EVA1C: variants seen among roughly 807,000 people sequenced by gnomAD.
EVA1C encodes eva-1 homolog C.
Under a neutral mutation model 45.4 loss-of-function variants are expected in EVA1C, and 25 were observed. The observed-to-expected ratio is 0.55, with a 90% CI of 0.40 to 0.77. EVA1C has a LOEUF of 0.77. Among genes scored for constraint, EVA1C ranks in the 30% least tolerant of loss-of-function variants. The pLI is 0.00. For synonymous variants in EVA1C, 190 were observed against 221.2 expected, an observed-to-expected ratio of 0.86 and a Z score of 1.25; for missense variants, 479 against 554.8, an observed-to-expected ratio of 0.86 and a Z score of 1.37.
intron 2 of EVA1C, among the ~76,000 whole-genome samples, chr21:32,456,909 GGA>G (rs61230955): frequency 2.6e-5 from 4 of 151,682 alleles, no homozygotes; most frequent in South Asian, 2.1e-4. Flanking sequence ...GAAAAAATCA[GGA>G]GAGAGAGAGA....
At chr21:32,491,681 C>CA (rs34286023) in intron 4 of EVA1C, among the ~76,000 whole-genome samples, 5,367 of 57,374 alleles carry the variant, frequency 0.094, 557 homozygotes, top group East Asian at 0.22. Context: ...GAGACTCTGT[C>CA]AAAAAAAAAA....
chr21:32,467,253 G>A (rs981923554), intron 3 of EVA1C, among the ~76,000 whole-genome samples: 22 of 152,188 alleles, frequency 1.4e-4, no homozygotes, highest in African/African-American at 5.3e-4. Flanking sequence ...TCTCCAGAGA[G>A]AGAAAGAAGC....
chr21:32,483,655 G>T (rs2036869388), intron 4 of EVA1C, among the ~76,000 whole-genome samples: 1 of 152,184 alleles, frequency 6.6e-6, no homozygotes, highest in Non-Finnish European at 1.5e-5. Context: ...CGATCTCACA[G>T]ATCAGGCACC....
chr21:32,429,066 A>G (rs2034597550), intron 1 of EVA1C, among the ~76,000 whole-genome samples: 1 of 152,014 alleles, frequency 6.6e-6, no homozygotes, highest in South Asian at 2.1e-4. Context: ...TGTCGCCCAG[A>G]GCGAGATTGT....
intron 7 of EVA1C, among the ~76,000 whole-genome samples, chr21:32,510,889 A>G (rs2037924568): frequency 6.6e-6 from 1 of 152,092 alleles, no homozygotes; most frequent in Admixed American, 6.5e-5. Context: ...TATAATAAAA[A>G]GTTAGCTAGG....
chr21:32,438,870 C>T (rs1421754730), intron 1 of EVA1C, among the ~76,000 whole-genome samples: 1 of 152,084 alleles, frequency 6.6e-6, no homozygotes, highest in Non-Finnish European at 1.5e-5. Flanking sequence ...GGCTCAGAGA[C>T]AGATGAATGT....
intron 3 of EVA1C, among the ~76,000 whole-genome samples, chr21:32,463,136 A>G (rs2036059156): frequency 6.6e-6 from 1 of 152,224 alleles, no homozygotes; most frequent in African/African-American, 2.4e-5. Flanking sequence ...TGGTGCAAAA[A>G]TAATCGCGGT....
intron 5 of EVA1C, among the ~76,000 whole-genome samples, chr21:32,497,686 A>G (rs914709293): frequency 5.9e-5 from 9 of 152,206 alleles, no homozygotes; most frequent in African/African-American, 2.2e-4. Context: ...TGATAAAGAC[A>G]TACCCGAGAC....
At chr21:32,454,695 G>T (rs769555586) in intron 2 of EVA1C, among the ~76,000 whole-genome samples, 1 of 151,876 alleles carries the variant, frequency 6.6e-6, no homozygotes, top group Non-Finnish European at 1.5e-5. Context: ...TGATTTTGTC[G>T]ACCGTAGGAA....
At chr21:32,475,941 A>G (rs2036547523) in intron 4 of EVA1C, among the ~76,000 whole-genome samples, 1 of 151,698 alleles carries the variant, frequency 6.6e-6, no homozygotes, top group South Asian at 2.1e-4. Flanking sequence ...ATAAACAGGA[A>G]TGTATAACTG....
At chr21:32,445,422 C>G (rs1232170158) in intron 1 of EVA1C, among the ~76,000 whole-genome samples, 1 of 152,144 alleles carries the variant, frequency 6.6e-6, no homozygotes, top group Non-Finnish European at 1.5e-5. Context: ...TCCTTGTGAG[C>G]AAAAGGTGAG....
chr21:32,501,393 A>C, intron 5 of EVA1C, 22 bp from the exon 6 acceptor site: 1 of 1,580,548 alleles, frequency 6.3e-7, no homozygotes, highest in Non-Finnish European at 8.5e-7. Flanking sequence ...CGAATTTAAA[A>C]TATTTCTTTT....
intron 1 of EVA1C, among the ~76,000 whole-genome samples, chr21:32,418,198 C>G (rs2034127244): frequency 6.6e-6 from 1 of 152,172 alleles, no homozygotes; most frequent in African/African-American, 2.4e-5. Context: ...CCTTTTTATT[C>G]AAGATTTATC....
intron 1 of EVA1C, among the ~76,000 whole-genome samples, chr21:32,436,689 G>T (rs369255714): frequency 6.6e-6 from 1 of 152,288 alleles, no homozygotes; most frequent in Non-Finnish European, 1.5e-5. Flanking sequence ...GACATAGTAG[G>T]CTTCCCTTAT....
At chr21:32,510,762 C>G (rs775637125) in intron 7 of EVA1C, among the ~76,000 whole-genome samples, 4 of 152,156 alleles carry the variant, frequency 2.6e-5, no homozygotes, top group Non-Finnish European at 4.4e-5. Flanking sequence ...ACACCAGATG[C>G]CATGGCTCAC....
At chr21:32,453,956 C>T (rs1434373737) in intron 2 of EVA1C, among the ~76,000 whole-genome samples, 3 of 152,120 alleles carry the variant, frequency 2.0e-5, no homozygotes, top group East Asian at 1.9e-4. Context: ...AAGGGCTGGG[C>T]GCGGTGGCTC....
intron 7 of EVA1C, among the ~76,000 whole-genome samples, chr21:32,507,829 ATG>A (rs1282908531): frequency 2.4e-4 from 35 of 145,320 alleles, no homozygotes; most frequent in South Asian, 6.8e-4. Flanking sequence ...TGTGTGTTGC[ATG>A]TGTGTGCATG....
chr21:32,447,402 C>G (rs143912941), intron 1 of EVA1C, among the ~76,000 whole-genome samples: 1 of 151,962 alleles, frequency 6.6e-6, no homozygotes, highest in African/African-American at 2.4e-5. Flanking sequence ...CTAATACATA[C>G]GATCTAAGGG....
At chr21:32,472,315 C>T (rs113415081) in intron 4 of EVA1C, among the ~76,000 whole-genome samples, 1,962 of 152,230 alleles carry the variant, frequency 0.013, 33 homozygotes, top group Admixed American at 0.038. Context: ...TGTGCCACCA[C>T]ACCCAGCTAA....
Sources: allele counts gnomAD v4.1 joint callset (sites outside exome capture counted in the v4.1 genomes callset), GRCh38; gene constraint gnomAD v4.1.1; transcripts MANE v1.5; gene names NCBI Gene and HGNC (gene_info 2026-07-23, HGNC 2026-07-21).